The following TMEM242 variants were observed in gnomAD, a reference collection of about 807,000 sequenced individuals.
TMEM242 encodes the protein transmembrane protein 242, also known as UPF0463 transmembrane protein C6orf35.
In TMEM242, 10 loss-of-function variants were observed where a neutral mutation model predicts 18.2. That is an observed-to-expected ratio of 0.55 (90% CI 0.34 to 0.93). The LOEUF (loss-of-function observed/expected upper bound fraction) is 0.93. TMEM242 is among the 40% of genes least tolerant of loss of function. The pLI is 0.02. For synonymous variants in TMEM242, 57 were observed against 69.9 expected (o/e 0.81, Z 0.92); for missense variants, 186 against 175.5 (o/e 1.06, Z -0.34).
chr6:157,294,558 G>C (rs1357335973), intron 3 of TMEM242, among the ~76,000 whole-genome samples: 1 of 151,604 alleles, frequency 6.6e-6, no homozygotes, highest in African/African-American at 2.4e-5. Flanking sequence ...CACCGTTTTA[G>C]CCGGGATGGT....
intron 3 of TMEM242, chr6:157,299,300 G>C (rs1562378761): frequency 1.3e-6 from 1 of 797,256 alleles, no homozygotes; most frequent in Non-Finnish European, 2.3e-6. Flanking sequence ...TAATCTCATA[G>C]GCACTAGCAA....
intron 2 of TMEM242, among the ~76,000 whole-genome samples, chr6:157,321,165 GCC>G (rs1778491700): frequency 6.6e-6 from 1 of 151,614 alleles, no homozygotes. Flanking sequence ...CCCGCCACCC[GCC>G]CAGTTAATTC....
chr6:157,309,452 AGCTT>A (rs1421314459), intron 3 of TMEM242, among the ~76,000 whole-genome samples: 6 of 152,246 alleles, frequency 3.9e-5, no homozygotes, highest in African/African-American at 1.4e-4. Context: ...GTGTGATCTT[AGCTT>A]GCCACACTCT....
intron 3 of TMEM242, among the ~76,000 whole-genome samples, chr6:157,313,136 G>C: frequency 8.4e-6 from 1 of 118,490 alleles, no homozygotes; most frequent in African/African-American, 3.2e-5. Context: ...TCATCATAGT[G>C]TCCCAGTGTG....
chr6:157,308,050 A>G (rs587760817), intron 3 of TMEM242, among the ~76,000 whole-genome samples: 98 of 152,324 alleles, frequency 6.4e-4, no homozygotes, highest in South Asian at 3.1e-3. Context: ...ATTGGCCAGG[A>G]GACTCAGTTT....
rs369583262 is a variant in TMEM242, at chr6:157,293,533, T to A, written c.328-534A>T. On this transcript the variant is annotated intron_variant, in intron 3 of 3. Coordinates refer to ENST00000400788, the MANE Select transcript of TMEM242 (RefSeq NM_018452.6). ...TTTCTTTCTGAATAAATAAATATAA[T>A]TAGGTCATTCAAAGCTAGAATTTTA... is the stretch of plus-strand genomic sequence containing the variant. Among the ~76,000 whole-genome samples the A allele has an allele frequency of 1.4e-3, 213 of 152,232 alleles. 9 individuals carry two copies. The South Asian group carries it at 0.041, about 29-fold the overall frequency.
chr6:157,312,170 T>C (rs1583568272), intron 3 of TMEM242, among the ~76,000 whole-genome samples: 15 of 47,196 alleles, frequency 3.2e-4, no homozygotes, highest in Admixed American at 4.2e-4. Flanking sequence ...CAGTGTGCAC[T>C]CACCCGGCCT....
chr6:157,311,202 C>A (rs72501760), intron 3 of TMEM242, among the ~76,000 whole-genome samples: 1 of 43,692 alleles, frequency 2.3e-5, no homozygotes, highest in Non-Finnish European at 4.6e-5. Context: ...CCTGATCATA[C>A]TGTCCGACTG....
intron 3 of TMEM242, among the ~76,000 whole-genome samples, chr6:157,309,818 C>T (rs1210722907): frequency 6.8e-6 from 1 of 146,398 alleles, no homozygotes; most frequent in Non-Finnish European, 1.6e-5. Flanking sequence ...AGGACATTTT[C>T]ACTGATGGTT....
intron 3 of TMEM242, among the ~76,000 whole-genome samples, chr6:157,313,113 T>TCCCAGTGTGC (rs1778244867): frequency 1.6e-4 from 1 of 6,166 alleles, no homozygotes; most frequent in South Asian, 4.9e-3. Context: ...TCCCAGTGTG[T>TCCCAGTGTGC]GCTCACCCGG....
At chr6:157,320,919 T>C (rs1357043010) in intron 2 of TMEM242, among the ~76,000 whole-genome samples, 1 of 152,104 alleles carries the variant, frequency 6.6e-6, no homozygotes, top group Non-Finnish European at 1.5e-5. Context: ...TAGTTCAGCT[T>C]GCAATTCAAT....
intron 3 of TMEM242, among the ~76,000 whole-genome samples, chr6:157,307,697 T>C (rs1266381211): frequency 1.3e-5 from 2 of 152,204 alleles, no homozygotes; most frequent in Admixed American, 6.5e-5. Flanking sequence ...TATTCACTGA[T>C]GTGCAGTGCT....
rs587715169 is a variant in TMEM242 at position 157,307,246 on chromosome 6, T to C, written c.327+11536A>G. ...AGGACAAAGAAAAAGAAAACCCAAG[T>C]GAAATCTAGGCTGCCTTCCTCCTGT... On this transcript the variant is annotated intron_variant, in intron 3 of 3. Coordinates refer to ENST00000400788, the MANE Select transcript of TMEM242 (RefSeq NM_018452.6). Among the ~76,000 whole-genome samples the C allele has an allele frequency of 1.1e-4, 16 of 152,268 alleles. No homozygotes were observed. The South Asian group carries it at 3.3e-3, about 32-fold the overall frequency.
chr6:157,317,579 T>A (rs1011373451), intron 3 of TMEM242, among the ~76,000 whole-genome samples: 2 of 152,222 alleles, frequency 1.3e-5, no homozygotes, highest in Admixed American at 6.5e-5. Flanking sequence ...GCTAGCCATA[T>A]ACTGATGAGT....
intron 3 of TMEM242, chr6:157,299,927 GT>G: frequency 6.2e-7 from 1 of 1,609,776 alleles, no homozygotes; most frequent in East Asian, 2.2e-5. Flanking sequence ...CACCGATCCA[GT>G]TCCTATGATG....
intron 3 of TMEM242, chr6:157,299,803 G>A: frequency 1.2e-6 from 2 of 1,607,646 alleles, no homozygotes; most frequent in Non-Finnish European, 1.7e-6. Context: ...TCATGAAAGG[G>A]CTGCCATGTT....
rs1554246687 is a variant in TMEM242 at position 157,289,267 on chromosome 6, C to T, written c.*3634G>A. On this transcript the variant is annotated 3_prime_UTR_variant, in exon 4 of 4. Transcript: ENST00000400788. ...GCCATCACACAAAATTTGCTAACAGCCTCACTCATTATTACAGATTCATGT... is the reference window on the plus strand; with the variant it reads ...GCCATCACACAAAATTTGCTAACAGTCTCACTCATTATTACAGATTCATGT... 1.3e-5 allele frequency: 2 copies of T among 152,152 alleles called. No individual in the cohort carries two copies. 9.4% of individuals were successfully genotyped at this position (152,152 alleles called of 1,614,324 possible). A position where few individuals can be genotyped will look rare whatever the true frequency, so the allele number is the denominator to read the frequency against.
At chr6:157,312,512 C>T (rs1487304935) in intron 3 of TMEM242, among the ~76,000 whole-genome samples, 1 of 121,122 alleles carries the variant, frequency 8.3e-6, no homozygotes, top group African/African-American at 3.5e-5. Flanking sequence ...ACTCACCGAG[C>T]CTCATCATAC....
chr6:157,310,714 G>A (rs945196120), intron 3 of TMEM242, among the ~76,000 whole-genome samples: 29 of 129,440 alleles, frequency 2.2e-4, no homozygotes, highest in Middle Eastern at 4.4e-3. Context: ...GCCCCAGTGT[G>A]CACTCAGCTA....
Sources: allele counts gnomAD v4.1 joint callset (sites outside exome capture counted in the v4.1 genomes callset), GRCh38; gene constraint gnomAD v4.1.1; transcripts MANE v1.5; gene names NCBI Gene and HGNC (gene_info 2026-07-23, HGNC 2026-07-21).